The following HDAC9 variants were observed in gnomAD, a reference collection of about 807,000 sequenced individuals.
HDAC9 encodes the protein MEF-2 interacting transcription repressor (MITR) protein.
Under a neutral mutation model 139.4 loss-of-function variants are expected in HDAC9, and 41 were observed. That is an observed-to-expected ratio of 0.29 (90% confidence interval 0.23 to 0.38). The LOEUF is 0.38. HDAC9 is among the 10% of genes least tolerant of loss of function. The pLI is 1.00. For missense variants in HDAC9, 1,147 were observed against 1,297.0 expected, an observed-to-expected ratio of 0.88 and a Z score of 1.78; for synonymous variants, 517 against 476.2, an observed-to-expected ratio of 1.09 and a Z score of -1.12.
intron 23 of HDAC9, among the ~76,000 whole-genome samples, chr7:18,948,326 A>G (rs1782549183): frequency 6.6e-6 from 1 of 152,120 alleles, no homozygotes; most frequent in African/African-American, 2.4e-5. Context: ...CTATTAAAAG[A>G]TGTTCATTTA....
At chr7:18,437,594 T>G (rs1644499156) in intron 1 of HDAC9, among the ~76,000 whole-genome samples, 1 of 149,916 alleles carries the variant, frequency 6.7e-6, no homozygotes, top group Non-Finnish European at 1.5e-5. Flanking sequence ...ATATATAAAC[T>G]TTATATAAAG....
At chr7:18,586,530 G>C (rs1829510264) in intron 3 of HDAC9, among the ~76,000 whole-genome samples, 1 of 152,068 alleles carries the variant, frequency 6.6e-6, no homozygotes. Context: ...CACATTGATA[G>C]AGGGTTGATA....
At chr7:18,278,612 A>C (rs1019728726) in intron 2 of HDAC9, among the ~76,000 whole-genome samples, 1 of 152,198 alleles carries the variant, frequency 6.6e-6, no homozygotes, top group African/African-American at 2.4e-5. Context: ...AAATTTAGAC[A>C]TGCCTTTTAT....
intron 1 of HDAC9, among the ~76,000 whole-genome samples, chr7:18,123,140 A>G (rs981628184): frequency 6.6e-6 from 1 of 152,226 alleles, no homozygotes; most frequent in Admixed American, 6.5e-5. Flanking sequence ...AAATTACTTT[A>G]AAATGGAAGC....
chr7:18,779,680 T>C (rs1421061484), intron 16 of HDAC9, among the ~76,000 whole-genome samples: 1 of 152,056 alleles, frequency 6.6e-6, no homozygotes, highest in Non-Finnish European at 1.5e-5. Context: ...CATGGTATTA[T>C]TGTGAGGATC....
intron 6 of HDAC9, among the ~76,000 whole-genome samples, chr7:18,611,001 A>G (rs1836968057): frequency 6.6e-6 from 1 of 152,210 alleles, no homozygotes; most frequent in Non-Finnish European, 1.5e-5. Context: ...CGCTGCTAAC[A>G]ACACAATAGA....
chr7:18,565,642 A>C (rs1047011995), intron 2 of HDAC9, among the ~76,000 whole-genome samples: 2 of 152,148 alleles, frequency 1.3e-5, no homozygotes, highest in Admixed American at 1.3e-4. Flanking sequence ...TGTAGAAAAA[A>C]AGAAAAAAAA....
intron 1 of HDAC9, among the ~76,000 whole-genome samples, chr7:18,300,121 A>C (rs1185896076): frequency 6.6e-6 from 1 of 152,074 alleles, no homozygotes; most frequent in African/African-American, 2.4e-5. Context: ...TGTGCAGCCC[A>C]GGGTGGCTTT....
intron 14 of HDAC9, among the ~76,000 whole-genome samples, chr7:18,754,523 T>C (rs367720174): frequency 5.9e-5 from 9 of 152,284 alleles, no homozygotes; most frequent in East Asian, 3.9e-4. Context: ...ATAATGCTTT[T>C]GTTGGATTAC....
chr7:18,242,021 G>A (rs892787034), intron 2 of HDAC9, among the ~76,000 whole-genome samples: 2 of 152,136 alleles, frequency 1.3e-5, no homozygotes, highest in Non-Finnish European at 2.9e-5. Context: ...GCTCTGAACT[G>A]CTGGTTTCCA....
At chr7:18,823,444 T>A (rs1029507055) in intron 17 of HDAC9, among the ~76,000 whole-genome samples, 2 of 152,196 alleles carry the variant, frequency 1.3e-5, no homozygotes, top group Non-Finnish European at 2.9e-5. Flanking sequence ...CTTTTAGATA[T>A]GCTTAGGTGC....
intron 2 of HDAC9, among the ~76,000 whole-genome samples, chr7:18,228,865 C>T (rs1348417941): frequency 1.3e-5 from 2 of 152,074 alleles, no homozygotes; most frequent in Non-Finnish European, 2.9e-5. Context: ...TAAAATGGAA[C>T]CAACATTTCT....
intron 22 of HDAC9, among the ~76,000 whole-genome samples, chr7:18,929,005 G>C (rs530657830): frequency 1.2e-4 from 18 of 151,870 alleles, no homozygotes; most frequent in African/African-American, 4.3e-4. Flanking sequence ...AATAAAGCTA[G>C]TTAAGGTTGT....
chr7:18,610,567 T>G (rs1198576832), intron 6 of HDAC9, among the ~76,000 whole-genome samples: 1 of 152,212 alleles, frequency 6.6e-6, no homozygotes, highest in African/African-American at 2.4e-5. Context: ...GCAGTTTACC[T>G]CTCAAATAAC....
At chr7:18,182,714 A>G (rs1402371108) in intron 2 of HDAC9, among the ~76,000 whole-genome samples, 1 of 152,226 alleles carries the variant, frequency 6.6e-6, no homozygotes, top group African/African-American at 2.4e-5. Flanking sequence ...CAGTAAATCT[A>G]GCTCTTGGAT....
At chr7:18,300,184 T>C (rs942432043) in intron 1 of HDAC9, among the ~76,000 whole-genome samples, 1 of 152,134 alleles carries the variant, frequency 6.6e-6, no homozygotes, top group Non-Finnish European at 1.5e-5. Flanking sequence ...ATGAGATTTT[T>C]TTGCAAATTT....
intron 16 of HDAC9, among the ~76,000 whole-genome samples, chr7:18,767,580 A>T (rs540142216): frequency 3.6e-4 from 55 of 152,320 alleles, no homozygotes; most frequent in African/African-American, 1.3e-3. Flanking sequence ...AATGGCATAA[A>T]CTTCACAAAG....
intron 2 of HDAC9, among the ~76,000 whole-genome samples, chr7:18,242,174 A>G (rs563889301): frequency 6.6e-6 from 1 of 152,280 alleles, no homozygotes; most frequent in African/African-American, 2.4e-5. Context: ...TTTCCTTACC[A>G]CTATTTTCCC....
At position 18,490,021 on chromosome 7, in the gene HDAC9, T is replaced by C. The variant is rs1286924851; in HGVS notation, c.-41-6241T>C. Among the ~76,000 whole-genome samples the C allele has an allele frequency of 2.0e-5, 3 of 152,114 alleles. No individual in the cohort carries two copies. In the East Asian group the frequency reaches 5.8e-4, roughly 29 times the overall value. The stretch of plus-strand genomic sequence containing the variant: ...ACCTTAGTCTTTCATACTCCGAATA[T>C]TGATAGCCTTGTTCTTACCTAGCCT... On this transcript the variant is annotated intron_variant, in intron 1 of 3. Transcript: ENST00000413509.
Sources: gnomAD v4.1 joint callset for allele counts (sites outside exome capture counted in the v4.1 genomes callset) on GRCh38, gnomAD v4.1.1 for gene constraint, MANE v1.5 for transcripts, NCBI Gene and HGNC (gene_info 2026-07-23, HGNC 2026-07-21) for gene names.